The following GRK5 variants were observed in gnomAD, a reference collection of about 807,000 sequenced individuals.
The protein encoded by GRK5 is G protein-coupled receptor kinase 5, also known as g protein-coupled receptor kinase GRK5.
GRK5 carries 40 observed loss-of-function variants against 78.4 expected under a neutral mutation model. The ratio of observed to expected loss-of-function variants is 0.51; its 90% CI spans 0.40 to 0.66. The LOEUF (loss-of-function observed/expected upper bound fraction) is 0.66, where lower values mean the gene tolerates loss of function less well. GRK5 is among the 30% of genes least tolerant of loss of function. The probability of loss-of-function intolerance (pLI) is 0.00; values close to 1 mark genes in which losing one functional copy is unlikely to be tolerated. For missense variants in GRK5, 598 were observed against 759.9 expected (o/e 0.79, Z 2.50); for synonymous variants, 289 against 296.8 (o/e 0.97, Z 0.27).
chr10:119,394,725 G>A (rs1852007599), intron 3 of GRK5, among the ~76,000 whole-genome samples: 1 of 96,838 alleles, frequency 1.0e-5, no homozygotes, highest in Admixed American at 1.1e-4. Context: ...GTGGGGGCAC[G>A]TGTATGTTTG....
intron 1 of GRK5, among the ~76,000 whole-genome samples, chr10:119,312,174 C>G (rs112845805): frequency 0.012 from 1,810 of 152,320 alleles, 33 homozygotes; most frequent in African/African-American, 0.04. Flanking sequence ...CCTCGGCCTC[C>G]CAAAGTGCTG....
At chr10:119,284,885 C>T (rs1392225220) in intron 1 of GRK5, among the ~76,000 whole-genome samples, 3 of 152,220 alleles carry the variant, frequency 2.0e-5, no homozygotes, top group Non-Finnish European at 4.4e-5. Flanking sequence ...AGGTCCTGGG[C>T]AGGGCTCTGC....
chr10:119,449,776 G>A (rs760939072), intron 13 of GRK5, among the ~76,000 whole-genome samples: 60 of 152,194 alleles, frequency 3.9e-4, no homozygotes, highest in African/African-American at 1.3e-3. Context: ...GCGACGGAGC[G>A]AGACTGCATC....
At chr10:119,216,076 C>G (rs886775565) in intron 1 of GRK5, among the ~76,000 whole-genome samples, 6 of 152,164 alleles carry the variant, frequency 3.9e-5, no homozygotes, top group Admixed American at 1.3e-4. Context: ...AACATTTTAA[C>G]AATAACTCAG....
chr10:119,295,720 C>T (rs909847398), intron 1 of GRK5, among the ~76,000 whole-genome samples: 4 of 151,718 alleles, frequency 2.6e-5, no homozygotes, highest in Non-Finnish European at 4.4e-5. Context: ...AACCAAACAT[C>T]GTATGTTCTC....
At chr10:119,390,474 C>T (rs1170637805) in intron 3 of GRK5, among the ~76,000 whole-genome samples, 1 of 152,160 alleles carries the variant, frequency 6.6e-6, no homozygotes, top group African/African-American at 2.4e-5. Context: ...ATGGGCAGAT[C>T]ATTTGAGGTT....
At chr10:119,405,729 C>G (rs907410100) in intron 4 of GRK5, among the ~76,000 whole-genome samples, 3 of 152,130 alleles carry the variant, frequency 2.0e-5, no homozygotes, top group African/African-American at 7.2e-5. Flanking sequence ...CTCAGTTTCC[C>G]CAACTGAGTA....
At chr10:119,400,971 C>T (rs749706074) in intron 4 of GRK5, among the ~76,000 whole-genome samples, 8 of 152,194 alleles carry the variant, frequency 5.3e-5, no homozygotes, top group Non-Finnish European at 7.3e-5. Flanking sequence ...CACCTGCTCT[C>T]GGCAGAGGCA....
intron 1 of GRK5, among the ~76,000 whole-genome samples, chr10:119,234,679 T>C (rs1251310601): frequency 3.3e-5 from 5 of 151,730 alleles, no homozygotes; most frequent in Admixed American, 2.6e-4. Context: ...TTCTTTTCTT[T>C]TCTTTCTTCT....
At chr10:119,364,639 G>T (rs543909445) in intron 2 of GRK5, among the ~76,000 whole-genome samples, 1 of 152,128 alleles carries the variant, frequency 6.6e-6, no homozygotes, top group Non-Finnish European at 1.5e-5. Context: ...TGCAGTTACG[G>T]TCTGACCTTT....
chr10:119,414,118 GTC>G (rs1852399328), intron 4 of GRK5, among the ~76,000 whole-genome samples: 1 of 152,298 alleles, frequency 6.6e-6, no homozygotes, highest in African/African-American at 2.4e-5. Flanking sequence ...CTTCCAGAGA[GTC>G]TCTCTCTCCT....
chr10:119,453,313 T>C (rs781422753), intron 15 of GRK5, 37 bp downstream of exon 15: 2 of 1,611,816 alleles, frequency 1.2e-6, no homozygotes, highest in South Asian at 1.1e-5. Flanking sequence ...TGGCATCAGC[T>C]CCGAGACCCC....
chr10:119,300,036 T>A (rs1195686797), intron 1 of GRK5, among the ~76,000 whole-genome samples: 1 of 152,114 alleles, frequency 6.6e-6, no homozygotes, highest in Non-Finnish European at 1.5e-5. Context: ...AGCCTTTTCT[T>A]CCTGGTGTAC....
At chr10:119,450,441 A>G (rs988770234) in intron 13 of GRK5, among the ~76,000 whole-genome samples, 1 of 152,200 alleles carries the variant, frequency 6.6e-6, no homozygotes, top group African/African-American at 2.4e-5. Context: ...CCTTAAATAG[A>G]AGTAGAAATA....
intron 2 of GRK5, among the ~76,000 whole-genome samples, chr10:119,361,213 C>T (rs954168610): frequency 6.6e-6 from 1 of 152,200 alleles, no homozygotes; most frequent in Admixed American, 6.5e-5. Context: ...CAGAGAATGG[C>T]GCATCAGAGG....
chr10:119,319,219 C>T (rs1490178006), intron 1 of GRK5, among the ~76,000 whole-genome samples: 1 of 152,154 alleles, frequency 6.6e-6, no homozygotes, highest in Non-Finnish European at 1.5e-5. Context: ...GCCGAGGGGG[C>T]CCCCAGGGCT....
chr10:119,247,558 G>A lies in GRK5; in HGVS notation c.52+39589G>A, dbSNP rs1320577904. On this transcript the variant is annotated intron_variant, in intron 1 of 15. Transcript: ENST00000392870. ...TAGTGTCTGGAGAAGGTTAGGTCAT[G>A]CACATGTTTAATAGCAATTAAAACA... Among the ~76,000 whole-genome samples the A allele has an allele frequency of 2.6e-5, 4 of 152,232 alleles. No individual in the cohort carries two copies. In the East Asian group the frequency reaches 7.7e-4, roughly 29 times the overall value.
chr10:119,327,432 C>T (rs914278135), intron 2 of GRK5, among the ~76,000 whole-genome samples: 2 of 152,270 alleles, frequency 1.3e-5, no homozygotes, highest in East Asian at 1.9e-4. Context: ...GCTCCCCATC[C>T]GCTTATTATT....
chr10:119,425,154 T>C (rs887516342), intron 6 of GRK5, 69 bp downstream of exon 6: 1 of 1,149,424 alleles, frequency 8.7e-7, no homozygotes, highest in Non-Finnish European at 1.3e-6. Flanking sequence ...AGAATTCATA[T>C]AAAAATCAGT....
Sources: allele counts gnomAD v4.1 joint callset (sites outside exome capture counted in the v4.1 genomes callset), GRCh38; gene constraint gnomAD v4.1.1; transcripts MANE v1.5; gene names NCBI Gene and HGNC (gene_info 2026-07-23, HGNC 2026-07-21).